Variants in KIAA1671 observed in about 807,000 individuals in gnomAD.
The protein encoded by KIAA1671 is KIAA1671.
A neutral mutation model predicts 131.2 loss-of-function variants in KIAA1671; 52 were observed. That is an observed-to-expected ratio of 0.40 (90% CI 0.32 to 0.50). The LOEUF is 0.50. Ranked by LOEUF, KIAA1671 falls within the 20% of genes least tolerant of loss-of-function variation. The pLI, the probability that KIAA1671 is intolerant of heterozygous loss-of-function variation, is 0.73. For synonymous variants in KIAA1671, 1,003 were observed against 961.6 expected (o/e 1.04, Z -0.80); for missense variants, 2,360 against 2,364.2 (o/e 1.00, Z 0.04).
intron 1 of KIAA1671, among the ~76,000 whole-genome samples, chr22:24,987,417 C>T (rs548192597): frequency 3.3e-5 from 5 of 152,090 alleles, no homozygotes; most frequent in Non-Finnish European, 4.4e-5. Context: ...GTGATCCACC[C>T]GCCTCGGCCT....
intron 6 of KIAA1671, among the ~76,000 whole-genome samples, chr22:25,166,601 C>G (rs1933652498): frequency 6.6e-6 from 1 of 152,192 alleles, no homozygotes. Flanking sequence ...CATTCCCCTG[C>G]CTGACTCCAA....
intron 10 of KIAA1671, among the ~76,000 whole-genome samples, chr22:25,182,290 C>T (rs915853854): frequency 6.6e-6 from 1 of 150,414 alleles, no homozygotes; most frequent in Non-Finnish European, 1.5e-5. Flanking sequence ...CCCTTCCTAC[C>T]TCTTTCTCTT....
chr22:25,027,873 TA>T, intron 2 of KIAA1671, 71 bp from the exon 3 acceptor site: 1 of 766,928 alleles, frequency 1.3e-6, no homozygotes. Flanking sequence ...CCCATTTCTC[TA>T]AACCATTCTG....
intron 6 of KIAA1671, among the ~76,000 whole-genome samples, chr22:25,105,824 G>GGC (rs1930974900): frequency 6.6e-6 from 1 of 151,942 alleles, no homozygotes; most frequent in Non-Finnish European, 1.5e-5. Context: ...GAAGTTGGGG[G>GGC]GGGGGGGTGC....
At chr22:25,124,631 C>G (rs547447337) in intron 6 of KIAA1671, among the ~76,000 whole-genome samples, 1 of 152,194 alleles carries the variant, frequency 6.6e-6, no homozygotes, top group African/African-American at 2.4e-5. Flanking sequence ...CAGCATGATG[C>G]CTGGAACCTC....
chr22:25,093,682 GACACACACACACACACACACACACAC>G (rs67802603), intron 6 of KIAA1671, among the ~76,000 whole-genome samples: 6 of 49,936 alleles, frequency 1.2e-4, no homozygotes, highest in Admixed American at 2.3e-4. Flanking sequence ...CCTGCCCCCC[GACACACACACACACACACACACACAC>G]ACACACACAC....
Position 25,170,950 on chromosome 22 carries a change from G to A in KIAA1671, c.4649+12G>A, listed in dbSNP as rs1329914584. 1.5e-5 allele frequency: 24 copies of A among 1,550,110 alleles called. No individual in the cohort carries two copies. Among genetic ancestry groups the A allele is most frequent in the Admixed American group, 1.4e-4 (7 of 50,946 alleles). On this transcript the variant is annotated intron_variant, in intron 7 of 12. Coordinates refer to ENST00000358431, the MANE Select transcript of KIAA1671 (RefSeq NM_001145206.2). ...CAGAGTGGGGAGAGGTAGGACGCGT[G>A]CGACGGGATTCTGGCTGCAAAGGGG...
At chr22:25,156,234 C>T (rs945497724) in intron 6 of KIAA1671, among the ~76,000 whole-genome samples, 11 of 151,590 alleles carry the variant, frequency 7.3e-5, no homozygotes, top group African/African-American at 2.7e-4. Context: ...ACCGTGTTAG[C>T]CAGGATAGTC....
At chr22:25,042,930 GT>G (rs1234670857) in intron 5 of KIAA1671, among the ~76,000 whole-genome samples, 1 of 152,282 alleles carries the variant, frequency 6.6e-6, no homozygotes, top group Non-Finnish European at 1.5e-5. Flanking sequence ...ATGTCCAGGG[GT>G]CAAGGGACCT....
chr22:24,954,792 G>GT (rs1026772477), intron 1 of KIAA1671, among the ~76,000 whole-genome samples: 2 of 151,988 alleles, frequency 1.3e-5, no homozygotes, highest in African/African-American at 4.8e-5. Context: ...GTTTTATTTT[G>GT]TTTTTTGAGA....
intron 6 of KIAA1671, among the ~76,000 whole-genome samples, chr22:25,160,716 G>A (rs1159622142): frequency 6.6e-6 from 1 of 152,078 alleles, no homozygotes; most frequent in Non-Finnish European, 1.5e-5. Context: ...ACTACACCTG[G>A]CCACACCTGG....
At chr22:24,989,659 G>T (rs930710337) in intron 1 of KIAA1671, among the ~76,000 whole-genome samples, 18 of 152,148 alleles carry the variant, frequency 1.2e-4, no homozygotes, top group Admixed American at 7.9e-4. Context: ...TGAGCCACAG[G>T]AAAGGGAGAG....
At chr22:25,050,247 A>C (rs6004406) in intron 6 of KIAA1671, 59,046 of 152,228 alleles carry the variant, frequency 0.39, 13,618 homozygotes, top group African/African-American at 0.65. Flanking sequence ...CAGCTGTCCC[A>C]TTCAGAGCTT....
intron 5 of KIAA1671, among the ~76,000 whole-genome samples, chr22:25,043,212 C>G (rs1927045262): frequency 6.6e-6 from 1 of 152,140 alleles, no homozygotes; most frequent in Non-Finnish European, 1.5e-5. Flanking sequence ...CCCAAATAAG[C>G]CACTTTGTTT....
intron 6 of KIAA1671, among the ~76,000 whole-genome samples, chr22:25,150,180 C>T (rs141850027): frequency 6.6e-6 from 1 of 152,338 alleles, no homozygotes; most frequent in Non-Finnish European, 1.5e-5. Context: ...CCTGAGTCCT[C>T]GATCCCGTGG....
chr22:24,986,690 C>CCCATCCAT (rs1170502255), intron 1 of KIAA1671, among the ~76,000 whole-genome samples: 90 of 135,658 alleles, frequency 6.6e-4, no homozygotes, highest in East Asian at 4.3e-3. Context: ...CATCCACCCA[C>CCCATCCAT]CCATCCATCC....
chr22:24,989,636 G>A (rs939418208), intron 1 of KIAA1671, among the ~76,000 whole-genome samples: 2 of 152,118 alleles, frequency 1.3e-5, no homozygotes, highest in Non-Finnish European at 2.9e-5. Flanking sequence ...GAGTGTGGGA[G>A]GAGGGCTGAC....
At chr22:25,083,411 G>A (rs1388254952) in intron 6 of KIAA1671, among the ~76,000 whole-genome samples, 1 of 145,008 alleles carries the variant, frequency 6.9e-6, no homozygotes, top group Non-Finnish European at 1.5e-5. Context: ...TAGGGGGTTA[G>A]GGCTTCAATA....
intron 6 of KIAA1671, chr22:25,062,455 GC>G: frequency 6.6e-6 from 1 of 152,006 alleles, no homozygotes; most frequent in Non-Finnish European, 1.5e-5. Context: ...ACTCCCCCCA[GC>G]CCCCACCCCA....
Sources: allele counts gnomAD v4.1 joint callset (sites outside exome capture counted in the v4.1 genomes callset), GRCh38; gene constraint gnomAD v4.1.1; transcripts MANE v1.5; gene names NCBI Gene and HGNC (gene_info 2026-07-23, HGNC 2026-07-21).